KDM4C: variants seen among roughly 807,000 people sequenced by gnomAD.
The protein encoded by KDM4C is lysine-specific demethylase 4C.
Under a neutral mutation model 129.3 loss-of-function variants are expected in KDM4C, and 81 were observed. The observed-to-expected ratio is 0.63, with a 90% CI of 0.52 to 0.75. KDM4C has a LOEUF of 0.75. Among genes scored for constraint, KDM4C ranks in the 30% least tolerant of loss-of-function variants. KDM4C has a pLI of 0.00. For missense variants in KDM4C, 1,457 were observed against 1,304.0 expected, an observed-to-expected ratio of 1.12 and a Z score of -1.81; for synonymous variants, 573 against 456.1, an observed-to-expected ratio of 1.26 and a Z score of -3.26.
At chr9:6,764,392 A>G (rs1364882671) in intron 1 of KDM4C, among the ~76,000 whole-genome samples, 1 of 152,206 alleles carries the variant, frequency 6.6e-6, no homozygotes, top group Non-Finnish European at 1.5e-5. Flanking sequence ...TCATAGTACA[A>G]AGATTTCCCT....
chr9:6,754,041 A>G (rs1396302900), upstream of KDM4C, among the ~76,000 whole-genome samples: 3 of 150,246 alleles, frequency 2.0e-5, no homozygotes, highest in Non-Finnish European at 4.4e-5. Flanking sequence ...TGCCTGGCTA[A>G]TTTTTTGTAT....
rs201536859 is a variant in KDM4C at position 6,980,887 on chromosome 9, C to G, written c.922-38C>G. On this transcript the variant is annotated intron_variant, in intron 8 of 21. Coordinates refer to ENST00000381309, the MANE Select transcript of KDM4C (RefSeq NM_015061.6). ...CAACTCTGTGTTACTGTATAGTTAG[C>G]GAAACGTTTAACACTCTCCAACCCG... 3.2e-5 allele frequency: 51 copies of G among 1,588,562 alleles called. No individual in the cohort carries two copies. In the African/African-American group the frequency reaches 6.7e-4, roughly 21 times the overall value.
At chr9:6,816,151 C>T (rs1335816136) in intron 4 of KDM4C, among the ~76,000 whole-genome samples, 1 of 152,180 alleles carries the variant, frequency 6.6e-6, no homozygotes, top group Non-Finnish European at 1.5e-5. Flanking sequence ...GACTATCTGT[C>T]CCCAACAGCC....
At chr9:6,792,102 A>G (rs921649037) in intron 1 of KDM4C, among the ~76,000 whole-genome samples, 32 of 152,110 alleles carry the variant, frequency 2.1e-4, no homozygotes, top group African/African-American at 7.7e-4. Flanking sequence ...GCACTTTGGG[A>G]GGCAGAGGCT....
chr9:6,791,515 T>C (rs1412299514), intron 1 of KDM4C, among the ~76,000 whole-genome samples: 1 of 152,216 alleles, frequency 6.6e-6, no homozygotes, highest in African/African-American at 2.4e-5. Context: ...GTGTTTTGCC[T>C]GGTGCTTGGC....
At position 6,758,564 on chromosome 9, in the gene KDM4C, G is replaced by T. The variant is rs1221914101; in HGVS notation, c.-18+361G>T. Among the ~76,000 whole-genome samples the T allele has an allele frequency of 6.6e-6, 1 of 152,212 alleles. No individual in the cohort carries two copies. Among genetic ancestry groups the T allele is most frequent in the East Asian group, 1.9e-4 (1 of 5,186 alleles). ...TTAACGCCGCCAGTCGGCTGTGGCG[G>T]ACTCCAGGAAGGCCGGGCCTGGTGC... On this transcript the variant is annotated intron_variant, in intron 1 of 21. Coordinates refer to ENST00000381309, the MANE Select transcript of KDM4C (RefSeq NM_015061.6). The surrounding 1 kb of genome is among the most constrained non-coding windows in gnomAD (Gnocchi z 4.6).
chr9:7,051,515 T>C (rs566536769), intron 17 of KDM4C, among the ~76,000 whole-genome samples: 1 of 152,302 alleles, frequency 6.6e-6, no homozygotes, highest in African/African-American at 2.4e-5. Flanking sequence ...TTTCCTGACA[T>C]AGGCATTCTT....
In KDM4C at chr9:6,758,229, G is replaced by T; in HGVS notation, c.-18+26G>T. 1.0e-6 allele frequency: 1 copy of T among 984,352 alleles called. No homozygotes were observed. Among genetic ancestry groups the T allele is most frequent in the Non-Finnish European group, 1.2e-6 (1 of 828,918 alleles). 61.0% of individuals were successfully genotyped at this position (984,352 alleles called of 1,614,324 possible). A position where few individuals can be genotyped will look rare whatever the true frequency, so the allele number is the denominator to read the frequency against. Reference sequence around the variant, plus strand: ...GTAACCGCTTTTCCGGAGTCTGGGGGCCAGGGCGGGGGGAGGGTCCGGAGA... The same window carrying T: ...GTAACCGCTTTTCCGGAGTCTGGGGTCCAGGGCGGGGGGAGGGTCCGGAGA... On this transcript the variant is annotated intron_variant, in intron 1 of 21. Transcript: ENST00000381309. This position sits in a 1 kb window ranked among gnomAD's most constrained non-coding sequence, Gnocchi z 4.6.
intron 17 of KDM4C, among the ~76,000 whole-genome samples, chr9:7,068,343 A>G (rs897333396): frequency 2.6e-5 from 4 of 152,238 alleles, no homozygotes; most frequent in African/African-American, 7.2e-5. Context: ...TTCCGCACTT[A>G]GAAGTTTTCC....
At chr9:7,157,204 G>T (rs1286641595) in intron 19 of KDM4C, among the ~76,000 whole-genome samples, 1 of 152,170 alleles carries the variant, frequency 6.6e-6, no homozygotes, top group Non-Finnish European at 1.5e-5. Flanking sequence ...CATTGATTTT[G>T]TATCCTGAGA....
Position 7,071,244 on chromosome 9 carries a change from T to C in KDM4C, c.2424+22044T>C, listed in dbSNP as rs367632712. 3.8e-3 allele frequency among the ~76,000 whole-genome samples: 572 copies of C among 152,324 alleles called. 4 individuals are homozygous for C. The South Asian group carries it at 0.04, about 11-fold the overall frequency. ...TATTAATTCTCCACCAAATTGATCATAGATTCAGTGTAATTCTAATGAAAT... is the reference window on the plus strand; with the variant it reads ...TATTAATTCTCCACCAAATTGATCACAGATTCAGTGTAATTCTAATGAAAT... On this transcript the variant is annotated intron_variant, in intron 17 of 21. Transcript: ENST00000381309.
At chr9:7,034,067 C>G (rs548205592) in intron 15 of KDM4C, among the ~76,000 whole-genome samples, 1 of 151,064 alleles carries the variant, frequency 6.6e-6, no homozygotes, top group African/African-American at 2.4e-5. Context: ...CTGATTGTTG[C>G]TTTTCTTAAA....
intron 1 of KDM4C, among the ~76,000 whole-genome samples, chr9:6,791,761 G>A (rs1826671754): frequency 6.6e-6 from 1 of 152,228 alleles, no homozygotes; most frequent in African/African-American, 2.4e-5. Context: ...AGTGGCTCAT[G>A]CCTGTAATCC....
At chr9:6,957,797 C>G (rs757030338) in intron 8 of KDM4C, among the ~76,000 whole-genome samples, 1 of 152,202 alleles carries the variant, frequency 6.6e-6, no homozygotes, top group Non-Finnish European at 1.5e-5. Context: ...GGTCTGCATA[C>G]TGGCCCTCTT....
At chr9:6,980,898 A>G (rs1199603098) in intron 8 of KDM4C, 27 bp from the exon 9 acceptor site, 4 of 1,609,650 alleles carry the variant, frequency 2.5e-6, no homozygotes, top group Non-Finnish European at 2.5e-6. Context: ...GAAACGTTTA[A>G]CACTCTCCAA....
intron 8 of KDM4C, among the ~76,000 whole-genome samples, chr9:6,894,946 A>G (rs893396217): frequency 1.3e-5 from 2 of 152,244 alleles, no homozygotes; most frequent in African/African-American, 4.8e-5. Context: ...GAACTTAGGT[A>G]TGTGACTATC....
At chr9:6,882,413 T>C (rs992354913) in intron 6 of KDM4C, among the ~76,000 whole-genome samples, 1 of 152,232 alleles carries the variant, frequency 6.6e-6, no homozygotes, top group African/African-American at 2.4e-5. Flanking sequence ...TTAAGTTAGG[T>C]AAATTGAGAA....
intron 19 of KDM4C, among the ~76,000 whole-genome samples, chr9:7,130,830 C>T (rs541903549): frequency 8.5e-5 from 13 of 152,202 alleles, no homozygotes; most frequent in Admixed American, 3.3e-4. Context: ...GTGATCACAG[C>T]TCACTGCAGC....
chr9:6,925,464 C>T, intron 8 of KDM4C: 4 of 805,754 alleles, frequency 5.0e-6, no homozygotes, highest in Non-Finnish European at 6.0e-6. Flanking sequence ...CCCCTCTCCT[C>T]CCCTCTTTTC....
Sources: allele counts gnomAD v4.1 joint callset (sites outside exome capture counted in the v4.1 genomes callset), GRCh38; gene constraint gnomAD v4.1.1; non-coding constraint Gnocchi (gnomAD v3.1); transcripts MANE v1.5; gene names NCBI Gene and HGNC (gene_info 2026-07-23, HGNC 2026-07-21).